Variants in AJAP1 observed in about 807,000 individuals in gnomAD.
AJAP1 encodes the protein adherens junction-associated protein 1.
In AJAP1, 5 loss-of-function variants were observed where a neutral mutation model predicts 35.0. The ratio of observed to expected loss-of-function variants is 0.14; its 90% confidence interval spans 0.07 to 0.30. The LOEUF is 0.30. AJAP1 is among the 10% of genes least tolerant of loss of function. The pLI, the probability that AJAP1 is intolerant of heterozygous loss-of-function variation, is 1.00. For missense variants in AJAP1, 586 were observed against 571.0 expected (o/e 1.03, Z -0.27); for synonymous variants, 284 against 249.3 (o/e 1.14, Z -1.31).
chr1:4,757,438 T>C (rs1641457975), intron 2 of AJAP1, among the ~76,000 whole-genome samples: 1 of 152,210 alleles, frequency 6.6e-6, no homozygotes, highest in Admixed American at 6.5e-5. Flanking sequence ...GTTCTCACTA[T>C]GATGGCAAAC....
intron 1 of AJAP1, among the ~76,000 whole-genome samples, chr1:4,691,192 C>G (rs573913500): frequency 6.6e-6 from 1 of 152,354 alleles, no homozygotes; most frequent in African/African-American, 2.4e-5. Context: ...GCTCCCGGAA[C>G]AGACTCCATT....
Position 4,734,224 on chromosome 1 carries a change from G to A in AJAP1, c.829+21525G>A, listed in dbSNP as rs1436320020. Among the ~76,000 whole-genome samples, 3 of 152,224 alleles carry A rather than the reference G, an allele frequency of 2.0e-5. No individual in the cohort carries two copies. Among genetic ancestry groups the A allele is most frequent in the Non-Finnish European group, 4.4e-5 (3 of 68,044 alleles). Reference sequence around the variant, plus strand: ...ATGCTCCTTCTTAGATGAAAGGAGTGCCTCAGCTGAGCCCCGGAATAGGAA... The same window carrying A: ...ATGCTCCTTCTTAGATGAAAGGAGTACCTCAGCTGAGCCCCGGAATAGGAA... On this transcript the variant is annotated intron_variant, in intron 2 of 5. Transcript: ENST00000378191. This position sits in a 1 kb window ranked among gnomAD's most constrained non-coding sequence, Gnocchi z 4.3.
chr1:4,772,806 G>A (rs932770963), intron 4 of AJAP1, among the ~76,000 whole-genome samples: 2 of 152,136 alleles, frequency 1.3e-5, no homozygotes, highest in South Asian at 2.1e-4. Flanking sequence ...CCCAGCCCTC[G>A]CTCTGAACCG....
In AJAP1 at chr1:4,667,405, C is replaced by G. The variant is rs10915581; in HGVS notation, c.29+11951C>G. Among the ~76,000 whole-genome samples the G allele has an allele frequency of 7.2e-4, 109 of 152,326 alleles. 1 individual carries two copies. Among genetic ancestry groups the G allele is most frequent in the African/African-American group, 2.2e-3 (91 of 41,574 alleles). On this transcript the variant is annotated intron_variant, in intron 1 of 5. Coordinates refer to ENST00000378191, the MANE Select transcript of AJAP1 (RefSeq NM_018836.4). ...TGGGGACCTTCTCACCTTACAACAG[C>G]AGTCCCCAACCTTTTTGGCACCAGG...
chr1:4,663,758 G>A (rs12083131), intron 1 of AJAP1, among the ~76,000 whole-genome samples: 40,191 of 151,920 alleles, frequency 0.26, 6,325 homozygotes, highest in African/African-American at 0.45. Flanking sequence ...TGGACTCTTC[G>A]GTAGTTGCTT....
chr1:4,759,537 T>C (rs1211074584), intron 2 of AJAP1, among the ~76,000 whole-genome samples: 1 of 152,054 alleles, frequency 6.6e-6, no homozygotes, highest in Non-Finnish European at 1.5e-5. Flanking sequence ...AGCCTCTGCA[T>C]AGACTCTGCA....
At chr1:4,711,487 A>G (rs981739816) in intron 1 of AJAP1, among the ~76,000 whole-genome samples, 2 of 152,102 alleles carry the variant, frequency 1.3e-5, no homozygotes, top group Admixed American at 6.5e-5. Context: ...CCATCCTCTC[A>G]CTTACGTCCT....
At position 4,779,861 on chromosome 1, in the gene AJAP1, T is replaced by C. The variant is rs145675190; in HGVS notation, c.*60-2684T>C. On this transcript the variant is annotated intron_variant, in intron 5 of 5. Transcript: ENST00000378191. ...ATATGTAACATAAAATTTACCGTTT[T>C]AGGCCAGGCACGGTGGCTCACACCT... 2.1e-4 allele frequency among the ~76,000 whole-genome samples: 32 copies of C among 152,222 alleles called. No individual in the cohort carries two copies. The East Asian group carries it at 5.6e-3, about 27-fold the overall frequency.
chr1:4,691,058 A>T (rs1190436909), intron 1 of AJAP1, among the ~76,000 whole-genome samples: 1 of 152,152 alleles, frequency 6.6e-6, no homozygotes, highest in East Asian at 1.9e-4. Context: ...ACTGAGCGAG[A>T]TTCCAAATCC....
At chr1:4,696,833 G>C (rs1639872323) in intron 1 of AJAP1, among the ~76,000 whole-genome samples, 1 of 152,204 alleles carries the variant, frequency 6.6e-6, no homozygotes, top group African/African-American at 2.4e-5. Context: ...GTATATGTGT[G>C]CATGTTTTCT....
intron 2 of AJAP1, among the ~76,000 whole-genome samples, chr1:4,730,088 C>T (rs1458969893): frequency 5.9e-5 from 9 of 152,316 alleles, no homozygotes; most frequent in East Asian, 5.8e-4. Flanking sequence ...AGGTCCACAG[C>T]GTCCGCAGAG....
intron 2 of AJAP1, among the ~76,000 whole-genome samples, chr1:4,735,022 C>T (rs1640885021): frequency 6.6e-6 from 1 of 152,228 alleles, no homozygotes; most frequent in Non-Finnish European, 1.5e-5. Context: ...TCCCTGGGAG[C>T]CGTCCTGCTT....
chr1:4,700,923 G>A (rs1002014050), intron 1 of AJAP1, among the ~76,000 whole-genome samples: 7 of 152,186 alleles, frequency 4.6e-5, no homozygotes, highest in East Asian at 3.9e-4. Flanking sequence ...ACAGGGGAGC[G>A]GGGCCCAGCA....
At position 4,783,890 on chromosome 1, in the gene AJAP1, G is replaced by A. The variant is rs1245514691; in HGVS notation, c.*1405G>A. 2 of 152,182 alleles carry A rather than the reference G, an allele frequency of 1.3e-5. No homozygotes were observed. Among genetic ancestry groups the A allele is most frequent in the African/African-American group, 4.8e-5 (2 of 41,450 alleles). 9.4% of individuals were successfully genotyped at this position (152,182 alleles called of 1,614,324 possible). A position where few individuals can be genotyped will look rare whatever the true frequency, so the allele number is the denominator to read the frequency against. ...TAGTCATTCTGTGTGCAAACCACAAGGCTGCCCCAGTCAGGCAGCGCCCTG... is the reference window on the plus strand; with the variant it reads ...TAGTCATTCTGTGTGCAAACCACAAAGCTGCCCCAGTCAGGCAGCGCCCTG... On this transcript the variant is annotated 3_prime_UTR_variant, in exon 6 of 6. Coordinates refer to ENST00000378191, the MANE Select transcript of AJAP1 (RefSeq NM_018836.4).
intron 2 of AJAP1, among the ~76,000 whole-genome samples, chr1:4,737,169 C>CTG (rs944403788): frequency 6.6e-6 from 1 of 152,072 alleles, no homozygotes; most frequent in Non-Finnish European, 1.5e-5. Context: ...TACTATGGGG[C>CTG]TGTGGATGGG....
At chr1:4,773,050 A>G (rs1641873195) in intron 4 of AJAP1, among the ~76,000 whole-genome samples, 2 of 152,018 alleles carry the variant, frequency 1.3e-5, no homozygotes, top group African/African-American at 4.8e-5. Flanking sequence ...AAGAAAATGT[A>G]CCCCACAGCC....
chr1:4,752,478 T>G (rs895043876), intron 2 of AJAP1, among the ~76,000 whole-genome samples: 1 of 152,156 alleles, frequency 6.6e-6, no homozygotes, highest in African/African-American at 2.4e-5. Context: ...CCATTCGCAA[T>G]CTTACGAGCT....
chr1:4,724,826 A>G (rs923076112), intron 2 of AJAP1, among the ~76,000 whole-genome samples: 3 of 152,226 alleles, frequency 2.0e-5, no homozygotes, highest in Admixed American at 1.3e-4. Context: ...CAGATCTTGC[A>G]ATCTTTAGGT....
In AJAP1 at chr1:4,656,001, C is replaced by T. The variant is rs1638873208; in HGVS notation, c.29+547C>T. Among the ~76,000 whole-genome samples the T allele has an allele frequency of 6.6e-6, 1 of 152,102 alleles. No individual in the cohort carries two copies. The highest frequency in any genetic ancestry group is 2.1e-4 in the South Asian group (1 of 4,834). On this transcript the variant is annotated intron_variant, in intron 1 of 5. Transcript: ENST00000378191. The surrounding 1 kb of genome is among the most constrained non-coding windows in gnomAD (Gnocchi z 5.7). ...CCTCCCAGGCTCCCAGCTGCCGACC[C>T]AGCTGTTTGCGGGTGACCTCCGGGC...
Sources: allele counts gnomAD v4.1 joint callset (sites outside exome capture counted in the v4.1 genomes callset), GRCh38; gene constraint gnomAD v4.1.1; non-coding constraint Gnocchi (gnomAD v3.1); transcripts MANE v1.5; gene names NCBI Gene and HGNC (gene_info 2026-07-23, HGNC 2026-07-21).